The following HS3ST3A1 variants were observed in gnomAD, a reference collection of about 807,000 sequenced individuals.
The protein encoded by HS3ST3A1 is heparan sulfate glucosamine 3-O-sulfotransferase 3A1.
A neutral mutation model predicts 25.7 loss-of-function variants in HS3ST3A1; 19 were observed. The ratio of observed to expected loss-of-function variants is 0.74; its 90% CI spans 0.52 to 1.08. HS3ST3A1 has a LOEUF of 1.08. Among genes scored for constraint, HS3ST3A1 ranks in the 50% least tolerant of loss-of-function variants. The pLI, the probability that HS3ST3A1 is intolerant of heterozygous loss-of-function variation, is 0.00. For synonymous variants in HS3ST3A1, 226 were observed against 278.6 expected, an observed-to-expected ratio of 0.81 and a Z score of 1.88; for missense variants, 459 against 594.3, an observed-to-expected ratio of 0.77 and a Z score of 2.37.
chr17:13,595,613 T>C (rs1028667705), intron 1 of HS3ST3A1, among the ~76,000 whole-genome samples: 7 of 152,292 alleles, frequency 4.6e-5, no homozygotes, highest in Non-Finnish European at 7.4e-5. Context: ...TTGCAACTCA[T>C]CGCTTAAGCA....
chr17:13,534,550 A>AAAAAAAC (rs1906710611), intron 1 of HS3ST3A1, among the ~76,000 whole-genome samples: 1 of 87,436 alleles, frequency 1.1e-5, no homozygotes, highest in Non-Finnish European at 2.3e-5. Flanking sequence ...CAAAATCCAA[A>AAAAAAAC]AAAAAAAAAA....
chr17:13,571,863 G>A (rs915825395), intron 1 of HS3ST3A1, among the ~76,000 whole-genome samples: 5 of 152,080 alleles, frequency 3.3e-5, no homozygotes, highest in Non-Finnish European at 7.4e-5. Flanking sequence ...AGGTTCAAGC[G>A]TTTCTCCTGC....
chr17:13,511,155 T>C (rs1375880886), intron 1 of HS3ST3A1, among the ~76,000 whole-genome samples: 48 of 152,176 alleles, frequency 3.2e-4, no homozygotes, highest in Admixed American at 3.1e-3. Flanking sequence ...CACAATTTGG[T>C]AGTTCCCACA....
intron 1 of HS3ST3A1, among the ~76,000 whole-genome samples, chr17:13,507,262 A>G (rs1437875915): frequency 6.6e-6 from 1 of 152,152 alleles, no homozygotes; most frequent in Admixed American, 6.5e-5. Context: ...GGTCTGATGT[A>G]TTATTTCTTG....
chr17:13,572,230 C>T (rs1369940244), intron 1 of HS3ST3A1, among the ~76,000 whole-genome samples: 1 of 152,218 alleles, frequency 6.6e-6, no homozygotes, highest in Non-Finnish European at 1.5e-5. Flanking sequence ...TGAATATGCT[C>T]AGAAAACATT....
intron 1 of HS3ST3A1, among the ~76,000 whole-genome samples, chr17:13,581,931 G>A (rs749690439): frequency 3.3e-5 from 5 of 152,144 alleles, no homozygotes; most frequent in Non-Finnish European, 7.3e-5. Flanking sequence ...GGGCATTTCT[G>A]TGCCAATAGA....
intron 1 of HS3ST3A1, among the ~76,000 whole-genome samples, chr17:13,579,647 G>A: frequency 7.6e-6 from 1 of 131,472 alleles, no homozygotes; most frequent in African/African-American, 2.9e-5. Context: ...GTTGCAGTGA[G>A]CCAAGATCAC....
intron 1 of HS3ST3A1, among the ~76,000 whole-genome samples, chr17:13,526,623 G>A (rs1327442552): frequency 6.7e-6 from 1 of 149,944 alleles, no homozygotes; most frequent in African/African-American, 2.4e-5. Flanking sequence ...GCCACTCACA[G>A]TGGTCATTTT....
chr17:13,565,385 A>T (rs1170002338), intron 1 of HS3ST3A1, among the ~76,000 whole-genome samples: 3 of 152,096 alleles, frequency 2.0e-5, no homozygotes, highest in Non-Finnish European at 2.9e-5. Flanking sequence ...TACAAAAATT[A>T]GCTCGGCATG....
Position 13,495,693 on chromosome 17 carries a change from A to G in HS3ST3A1, c.*504T>C, listed in dbSNP as rs1327699286. 6.5e-6 allele frequency: 1 copy of G among 153,008 alleles called. No homozygotes were observed. Among genetic ancestry groups the G allele is most frequent in the Non-Finnish European group, 1.5e-5 (1 of 68,658 alleles). 9.5% of individuals were successfully genotyped at this position (153,008 alleles called of 1,614,324 possible). A position where few individuals can be genotyped will look rare whatever the true frequency, so the allele number is the denominator to read the frequency against. On this transcript the variant is annotated 3_prime_UTR_variant, in exon 2 of 2. Coordinates refer to ENST00000284110, the MANE Select transcript of HS3ST3A1 (RefSeq NM_006042.3). ...TTGTGATCTTATACAACAGAGCAAG[A>G]TTTATTTTTTTATTTTAATGATCAA...
At chr17:13,560,754 G>A (rs527405141) in intron 1 of HS3ST3A1, among the ~76,000 whole-genome samples, 1 of 152,268 alleles carries the variant, frequency 6.6e-6, no homozygotes, top group East Asian at 1.9e-4. Context: ...GTGCCTGATA[G>A]AGAATCTGGT....
chr17:13,512,608 CAG>C (rs1436021229), intron 1 of HS3ST3A1, among the ~76,000 whole-genome samples: 1 of 152,144 alleles, frequency 6.6e-6, no homozygotes, highest in Non-Finnish European at 1.5e-5. Flanking sequence ...GTACTTGTGA[CAG>C]AGATCACGTG....
intron 1 of HS3ST3A1, among the ~76,000 whole-genome samples, chr17:13,560,664 T>A (rs1240026111): frequency 1.3e-5 from 2 of 152,184 alleles, no homozygotes; most frequent in Non-Finnish European, 2.9e-5. Context: ...TATAGCTCCA[T>A]TACTAAAAAT....
At chr17:13,585,868 C>G (rs59129335) in intron 1 of HS3ST3A1, among the ~76,000 whole-genome samples, 39,066 of 66,394 alleles carry the variant, frequency 0.59, 10,147 homozygotes, top group Admixed American at 0.67. Context: ...TTTTTTTTTT[C>G]TGACAGAGTC....
In HS3ST3A1 at chr17:13,538,088, T is replaced by C. The variant is rs534949653; in HGVS notation, c.600-41270A>G. On this transcript the variant is annotated intron_variant, in intron 1 of 1. Coordinates refer to ENST00000284110, the MANE Select transcript of HS3ST3A1 (RefSeq NM_006042.3). Reference sequence around the variant, plus strand: ...TCTATTTGGTCTGTCAGGGCTACATTTGTGTATTTTAAATGACACATCATC... The same window carrying C: ...TCTATTTGGTCTGTCAGGGCTACATCTGTGTATTTTAAATGACACATCATC... Among the ~76,000 whole-genome samples the C allele has an allele frequency of 1.4e-3, 210 of 152,332 alleles. 1 individual carries two copies. Among genetic ancestry groups the C allele is most frequent in the African/African-American group, 4.9e-3 (204 of 41,554 alleles).
At chr17:13,515,308 T>G (rs913528408) in intron 1 of HS3ST3A1, among the ~76,000 whole-genome samples, 1 of 152,064 alleles carries the variant, frequency 6.6e-6, no homozygotes, top group African/African-American at 2.4e-5. Flanking sequence ...AACAGGCATG[T>G]GCCATCATAC....
chr17:13,527,410 G>A (rs1461422816), intron 1 of HS3ST3A1, among the ~76,000 whole-genome samples: 1 of 152,134 alleles, frequency 6.6e-6, no homozygotes, highest in Non-Finnish European at 1.5e-5. Flanking sequence ...TTATTGATGT[G>A]GAAAGTGTTT....
chr17:13,571,841 C>A (rs138699222), intron 1 of HS3ST3A1, among the ~76,000 whole-genome samples: 4,125 of 152,250 alleles, frequency 0.027, 177 homozygotes, highest in African/African-American at 0.094. Context: ...CTCACTGCAG[C>A]CTCCACCTCC....
intron 1 of HS3ST3A1, among the ~76,000 whole-genome samples, chr17:13,540,561 TGGAGAAAGAA>T (rs1906902425): frequency 6.6e-6 from 1 of 152,256 alleles, no homozygotes; most frequent in Non-Finnish European, 1.5e-5. Context: ...GCTCCTGCTG[TGGAGAAAGAA>T]AAGTCTGTTT....
Sources: allele counts gnomAD v4.1 joint callset (sites outside exome capture counted in the v4.1 genomes callset), GRCh38; gene constraint gnomAD v4.1.1; transcripts MANE v1.5; gene names NCBI Gene and HGNC (gene_info 2026-07-23, HGNC 2026-07-21).